Variants in PTPRK observed in about 807,000 individuals in gnomAD.
PTPRK encodes the protein receptor-type tyrosine-protein phosphatase kappa.
PTPRK carries 75 observed loss-of-function variants against 178.0 expected under a neutral mutation model. The ratio of observed to expected loss-of-function variants is 0.42; its 90% CI spans 0.35 to 0.51. The LOEUF (loss-of-function observed/expected upper bound fraction) is 0.51, where lower values mean the gene tolerates loss of function less well. PTPRK is among the 20% of genes least tolerant of loss of function. PTPRK has a pLI of 0.02. For synonymous variants in PTPRK, 637 were observed against 620.6 expected (o/e 1.03, Z -0.39); for missense variants, 1,441 against 1,797.8 (o/e 0.80, Z 3.59).
chr6:128,505,106 T>TG (rs1183048697), intron 1 of PTPRK, among the ~76,000 whole-genome samples: 1 of 143,706 alleles, frequency 7.0e-6, no homozygotes, highest in East Asian at 3.0e-4. Flanking sequence ...GAAATTTACT[T>TG]GTTTTTTTTT....
intron 3 of PTPRK, among the ~76,000 whole-genome samples, chr6:128,244,803 T>C (rs1815154055): frequency 6.6e-6 from 1 of 152,150 alleles, no homozygotes; most frequent in Admixed American, 6.5e-5. Flanking sequence ...CTTGGTGCAG[T>C]TCTGCAGAAA....
At chr6:128,310,539 C>T (rs1259763165) in intron 3 of PTPRK, among the ~76,000 whole-genome samples, 2 of 152,282 alleles carry the variant, frequency 1.3e-5, no homozygotes, top group Non-Finnish European at 2.9e-5. Flanking sequence ...AGCTAAATAA[C>T]TCAACTGGCT....
intron 2 of PTPRK, among the ~76,000 whole-genome samples, chr6:128,353,408 T>G (rs1562339881): frequency 6.6e-6 from 1 of 152,230 alleles, no homozygotes; most frequent in Non-Finnish European, 1.5e-5. Flanking sequence ...CAAAAACATT[T>G]AGATGAGTGT....
intron 2 of PTPRK, among the ~76,000 whole-genome samples, chr6:128,334,949 G>A (rs148234311): frequency 0.016 from 2,433 of 152,134 alleles, 55 homozygotes; most frequent in African/African-American, 0.054. Context: ...TTAGCCAGGC[G>A]TGGTGGCGGG....
chr6:128,331,801 T>G (rs1310638211), intron 2 of PTPRK, among the ~76,000 whole-genome samples: 2 of 152,150 alleles, frequency 1.3e-5, no homozygotes, highest in East Asian at 1.9e-4. Flanking sequence ...TGCAGGAGTC[T>G]ACTTCCAACA....
At chr6:128,079,021 C>T in intron 10 of PTPRK, 103 bp from the exon 11 acceptor site, 1 of 639,144 alleles carries the variant, frequency 1.6e-6, no homozygotes. Flanking sequence ...AAAAATTCAC[C>T]TAATTATCTA....
At chr6:127,980,128 T>C (rs2114626028) in intron 25 of PTPRK, among the ~76,000 whole-genome samples, 1 of 152,268 alleles carries the variant, frequency 6.6e-6, no homozygotes, top group South Asian at 2.1e-4. Context: ...CTGACCAACA[T>C]GGTGAAACCC....
At chr6:128,517,710 G>A (rs896483402) in intron 1 of PTPRK, among the ~76,000 whole-genome samples, 2 of 152,166 alleles carry the variant, frequency 1.3e-5, no homozygotes, top group African/African-American at 4.8e-5. Context: ...ACAATGCTCA[G>A]CCTTTCAAAA....
intron 24 of PTPRK, among the ~76,000 whole-genome samples, 194 bp from the exon 25 acceptor site, chr6:127,981,483 C>T (rs944831039): frequency 7.2e-5 from 11 of 152,156 alleles, no homozygotes; most frequent in African/African-American, 1.9e-4. Flanking sequence ...AGAAACAAGA[C>T]ACACATTGTT....
chr6:128,036,920 T>C (rs2114819735), intron 13 of PTPRK, among the ~76,000 whole-genome samples: 1 of 152,204 alleles, frequency 6.6e-6, no homozygotes, highest in African/African-American at 2.4e-5. Flanking sequence ...TTAGTACAGA[T>C]AGGGTTTCAC....
intron 1 of PTPRK, among the ~76,000 whole-genome samples, chr6:128,517,787 A>G (rs1333028589): frequency 6.6e-6 from 1 of 152,244 alleles, no homozygotes; most frequent in African/African-American, 2.4e-5. Context: ...CTTAATGAGT[A>G]TGATTTGAAA....
chr6:128,115,227 C>T (rs1036359980), intron 7 of PTPRK, among the ~76,000 whole-genome samples: 21 of 152,136 alleles, frequency 1.4e-4, no homozygotes, highest in African/African-American at 4.1e-4. Context: ...CAGTCATTTA[C>T]TCTTGGTTTC....
At chr6:128,500,080 G>A (rs1380880388) in intron 1 of PTPRK, among the ~76,000 whole-genome samples, 1 of 152,164 alleles carries the variant, frequency 6.6e-6, no homozygotes, top group African/African-American at 2.4e-5. Context: ...GAAATACTCA[G>A]GCAAGACATG....
intron 7 of PTPRK, among the ~76,000 whole-genome samples, chr6:128,096,854 C>G (rs889926728): frequency 6.6e-6 from 1 of 151,892 alleles, no homozygotes; most frequent in Non-Finnish European, 1.5e-5. Context: ...AATTTCTGGA[C>G]AAAGGTGAAA....
chr6:128,378,397 A>G (rs1837407287), intron 2 of PTPRK, among the ~76,000 whole-genome samples: 4 of 152,150 alleles, frequency 2.6e-5, no homozygotes, highest in Admixed American at 1.3e-4. Flanking sequence ...ATGTACATAC[A>G]AACAACAATG....
At chr6:128,046,060 G>A (rs1337744188) in intron 13 of PTPRK, among the ~76,000 whole-genome samples, 2 of 152,084 alleles carry the variant, frequency 1.3e-5, no homozygotes, top group Admixed American at 1.3e-4. Flanking sequence ...AGAAAAGCAG[G>A]AAATATTAGT....
intron 13 of PTPRK, among the ~76,000 whole-genome samples, chr6:128,027,629 G>T (rs1217662639): frequency 6.6e-6 from 1 of 151,596 alleles, no homozygotes; most frequent in Non-Finnish European, 1.5e-5. Flanking sequence ...ACAGAGTCTT[G>T]CTCTGTCACC....
intron 25 of PTPRK, 85 bp downstream of exon 25, chr6:127,981,031 C>A: frequency 2.4e-6 from 3 of 1,268,562 alleles, no homozygotes; most frequent in South Asian, 3.6e-5. Flanking sequence ...ATTTTAATTT[C>A]CTCGAAAAGA....
At position 127,976,746 on chromosome 6, in the gene PTPRK, G is replaced by A; in HGVS notation, c.3880C>T (p.Arg1294Ter). ...CATTCCACTTGGATGGGGCCATATC[G>A]TAGCATCCCTTCCTCTGGCCAGTAC... ...PQYWPEEGML[R>*]YGPIQVECMS... Residue 1294 changes from arginine (R) to a stop codon, truncating the protein, a stop_gained, in exon 27 of 30, where the codon CGA (arginine) becomes TGA (stop). Transcript: ENST00000368226. LOFTEE classifies it high-confidence loss of function. 3.1e-6 allele frequency: 5 copies of A among 1,613,734 alleles called. No individual in the cohort carries two copies. The highest frequency in any genetic ancestry group is 4.2e-6 in the Non-Finnish European group (5 of 1,179,878).
Sources: gnomAD v4.1 joint callset for allele counts (sites outside exome capture counted in the v4.1 genomes callset) on GRCh38, gnomAD v4.1.1 for gene constraint, MANE v1.5 for transcripts, NCBI Gene and HGNC (gene_info 2026-07-23, HGNC 2026-07-21) for gene names.